Variants in HERC1 observed in about 807,000 individuals in gnomAD.
HERC1 encodes the protein HECT and RLD domain containing E3 ubiquitin protein ligase family member 1.
Under a neutral mutation model 554.3 loss-of-function variants are expected in HERC1, and 160 were observed. The ratio of observed to expected loss-of-function variants is 0.29; its 90% confidence interval spans 0.25 to 0.33. The LOEUF (loss-of-function observed/expected upper bound fraction) is 0.33. Ranked by LOEUF, HERC1 falls within the 10% of genes least tolerant of loss-of-function variation. The pLI is 1.00. For missense variants in HERC1, 4,919 were observed against 5,918.5 expected, an observed-to-expected ratio of 0.83 and a Z score of 5.54; for synonymous variants, 2,175 against 2,131.7, an observed-to-expected ratio of 1.02 and a Z score of -0.56.
Position 63,692,955 on chromosome 15 carries a change from C to A in HERC1, c.5675-389G>T, listed in dbSNP as rs1362019199. 4.6e-5 allele frequency among the ~76,000 whole-genome samples: 7 copies of A among 151,892 alleles called. No individual in the cohort carries two copies. The highest frequency in any genetic ancestry group is 8.8e-5 in the Non-Finnish European group (6 of 67,972). On this transcript the variant is annotated intron_variant, in intron 30 of 77. Coordinates refer to ENST00000443617, the MANE Select transcript of HERC1 (RefSeq NM_003922.4). This position sits in a 1 kb window ranked among gnomAD's most constrained non-coding sequence, Gnocchi z 4.7. ...CAGCACTTTGGGAGGTCGAGGCGGG[C>A]GGATCACTTGAGGTCAGGAGTTCAA...
At chr15:63,620,802 A>C (rs1324172220) in intron 74 of HERC1, among the ~76,000 whole-genome samples, 1 of 152,082 alleles carries the variant, frequency 6.6e-6, no homozygotes, top group Admixed American at 6.6e-5. Flanking sequence ...TTTATCAGAG[A>C]CTAGGATTGC....
chr15:63,611,842 G>A (rs1319353231), intron 77 of HERC1, among the ~76,000 whole-genome samples: 2 of 152,018 alleles, frequency 1.3e-5, no homozygotes, highest in Non-Finnish European at 2.9e-5. Context: ...AGCATGAATC[G>A]GCAGGCCTAC....
At chr15:63,742,023 A>G (rs978861611) in intron 12 of HERC1, among the ~76,000 whole-genome samples, 2 of 152,236 alleles carry the variant, frequency 1.3e-5, no homozygotes, top group Non-Finnish European at 2.9e-5. Flanking sequence ...TGCCAAACAA[A>G]GCCAGCAAGA....
chr15:63,758,341 C>G lies in HERC1; in HGVS notation c.1055G>C (p.Arg352Thr). The change falls in exon 4 of 78, where the codon AGA (arginine) becomes ACA (threonine). Residue 352 changes from arginine to threonine, a missense_variant. By Grantham distance (71) the Arg-to-Thr change is moderately conservative. Around this residue, in one of 11 missense-constraint regions of HERC1, gnomAD observed 744 missense variants for 1,090.0 expected, o/e 0.68. Coordinates refer to ENST00000443617, the MANE Select transcript of HERC1 (RefSeq NM_003922.4). This position sits in a 1 kb window ranked among gnomAD's most constrained non-coding sequence, Gnocchi z 4.0. ...EVCRMASDYS[R>T]TCASPDSIQT... ...AATGCTATCTGGGCTAGCACATGTT[C>G]TCGAATAATCAGAAGCCATTCTGCA... 6.3e-7 allele frequency: 1 copy of G among 1,594,256 alleles called. No individual in the cohort carries two copies. Among genetic ancestry groups the G allele is most frequent in the Non-Finnish European group, 8.6e-7 (1 of 1,164,094 alleles).
rs2152791702 is a variant in HERC1 at position 63,628,697 on chromosome 15, GGT to G, written c.13083_13084del (p.Pro4362CysfsTer18). The stretch of plus-strand genomic sequence containing the variant: ...CTCACCTGGTGCTCTTGGTGGGACA[GGT>G]GGTGCTGTCCATGCAGCACTGTGGC... On this transcript the variant is annotated frameshift_variant, in exon 70 of 78. Coordinates refer to ENST00000443617, the MANE Select transcript of HERC1 (RefSeq NM_003922.4). LOFTEE classifies it high-confidence loss of function. The G allele has an allele frequency of 6.2e-7, 1 of 1,612,664 alleles. No homozygotes were observed. Among genetic ancestry groups the G allele is most frequent in the South Asian group, 1.1e-5 (1 of 90,896 alleles).
At chr15:63,723,036 CA>C in intron 19 of HERC1, 145 bp downstream of exon 19, 1 of 496,618 alleles carries the variant, frequency 2.0e-6, no homozygotes, top group Non-Finnish European at 3.3e-6. Flanking sequence ...AAGGGAAAAA[CA>C]AATTGTTTAA....
intron 1 of HERC1, among the ~76,000 whole-genome samples, chr15:63,789,801 AAAATAAAT>A (rs10527229): frequency 0.016 from 2,239 of 139,102 alleles, 69 homozygotes; most frequent in African/African-American, 0.057. Context: ...GCCCTGTCTC[AAAATAAAT>A]AAATAAATAA....
At chr15:63,667,298 T>C (rs2070692141) in intron 40 of HERC1, among the ~76,000 whole-genome samples, 1 of 152,242 alleles carries the variant, frequency 6.6e-6, no homozygotes, top group African/African-American at 2.4e-5. Context: ...GCTAATTCAG[T>C]GTTCATAATA....
chr15:63,628,916 A>C (rs1453362571), intron 69 of HERC1, 101 bp from the exon 70 acceptor site: 4 of 1,100,610 alleles, frequency 3.6e-6, no homozygotes, highest in Non-Finnish European at 5.3e-6. Flanking sequence ...AAATAAGTTA[A>C]TAACTGTACC....
intron 12 of HERC1, among the ~76,000 whole-genome samples, chr15:63,746,525 G>A (rs2075060595): frequency 6.6e-6 from 1 of 151,970 alleles, no homozygotes; most frequent in African/African-American, 2.4e-5. Flanking sequence ...CCTTAGCTCT[G>A]GTTACAGTTC....
chr15:63,690,266 TC>T (rs1216808705), intron 32 of HERC1, among the ~76,000 whole-genome samples: 1 of 152,132 alleles, frequency 6.6e-6, no homozygotes, highest in East Asian at 1.9e-4. Flanking sequence ...ACATGTTTCT[TC>T]CTATAGCGGT....
chr15:63,807,042 G>A (rs887674532), intron 1 of HERC1, among the ~76,000 whole-genome samples: 38 of 152,104 alleles, frequency 2.5e-4, no homozygotes, highest in African/African-American at 5.6e-4. Flanking sequence ...CACCACACCC[G>A]GCCTGAGTGA....
intron 12 of HERC1, among the ~76,000 whole-genome samples, chr15:63,742,822 A>G (rs1159400245): frequency 1.3e-5 from 2 of 152,132 alleles, no homozygotes; most frequent in African/African-American, 4.8e-5. Context: ...ATGGGGTACA[A>G]TCTTTTAGGT....
chr15:63,725,296 T>C lies in HERC1; in HGVS notation c.3564A>G (p.Gln1188=), dbSNP rs748594536. 2.8e-5 allele frequency: 45 copies of C among 1,613,076 alleles called. 2 individuals carry two copies. In the South Asian group the frequency reaches 4.6e-4, roughly 17 times the overall value. ...FSDGVEMDTP[Q]LDKCMSCLLE... ...TGCTGCAGAGAAGCACATTACCCAATTGAGGAGTGTCCATTTCTACACCGT... is the reference window on the plus strand; with the variant it reads ...TGCTGCAGAGAAGCACATTACCCAACTGAGGAGTGTCCATTTCTACACCGT... Residue 1188 remains glutamine, a synonymous_variant, in exon 18 of 78, where the codon CAA becomes CAG. Transcript: ENST00000443617.
chr15:63,804,053 A>G (rs561000736), intron 1 of HERC1, among the ~76,000 whole-genome samples: 1 of 152,222 alleles, frequency 6.6e-6, no homozygotes, highest in Non-Finnish European at 1.5e-5. Context: ...TCTTTTCAAC[A>G]AAAGGTGCTG....
At position 63,707,794 on chromosome 15, in the gene HERC1, T is replaced by C. The variant is rs188084724; in HGVS notation, c.4585-963A>G. On this transcript the variant is annotated intron_variant, in intron 24 of 77. Coordinates refer to ENST00000443617, the MANE Select transcript of HERC1 (RefSeq NM_003922.4). The stretch of plus-strand genomic sequence containing the variant: ...AAATACAAAAGTTAGCTGGGTGTGG[T>C]AGCACACGCCTGTAATCCCAGCTAC... 1.2e-3 allele frequency among the ~76,000 whole-genome samples: 187 copies of C among 151,900 alleles called. 1 individual carries two copies. Among genetic ancestry groups the C allele is most frequent in the South Asian group, 5.8e-3 (28 of 4,806 alleles).
At chr15:63,750,502 T>A (rs1410828391) in intron 8 of HERC1, among the ~76,000 whole-genome samples, 1 of 152,194 alleles carries the variant, frequency 6.6e-6, no homozygotes, top group African/African-American at 2.4e-5. Context: ...AATGATTTTT[T>A]TTCTTTATCT....
Position 63,666,443 on chromosome 15 carries a change from T to C in HERC1, c.8236A>G (p.Thr2746Ala), listed in dbSNP as rs769159645. Residue 2746 changes from threonine (T) to alanine (A), a missense_variant, in exon 41 of 78, where the codon ACT becomes GCT. Thr to Ala is a moderately conservative substitution (Grantham distance 58). Coordinates refer to ENST00000443617, the MANE Select transcript of HERC1 (RefSeq NM_003922.4). ...GCAATTGCTGGAGGAGGAGGAGAAGTTGAAAGTCTACTGCTTGGGTCTGAC... is the reference window on the plus strand; with the variant it reads ...GCAATTGCTGGAGGAGGAGGAGAAGCTGAAAGTCTACTGCTTGGGTCTGAC... The part of the protein sequence containing the change: ...ALSDPSSRLS[T>A]SPPPPAIAVP... 3.1e-6 allele frequency: 5 copies of C among 1,613,298 alleles called. No homozygotes were observed. Among genetic ancestry groups the C allele is most frequent in the South Asian group, 2.2e-5 (2 of 90,996 alleles).
Position 63,658,568 on chromosome 15 carries a change from C to T in HERC1, c.9575G>A (p.Arg3192Lys), listed in dbSNP as rs769687179. The T allele has an allele frequency of 5.6e-6, 9 of 1,613,080 alleles. No homozygotes were observed. Among genetic ancestry groups the T allele is most frequent in the Non-Finnish European group, 7.6e-6 (9 of 1,179,292 alleles). Reference protein sequence around the residue: ...QVLLARTMVMRALSLLSVSGS... With the variant: ...QVLLARTMVMKALSLLSVSGS... ...CCTGACTGAGAGAAGAGACAGCGCT[C>T]TCATGACCATGGTTCTGGCCAGAAG... Residue 3192 changes from arginine (R) to lysine (K), a missense_variant, in exon 48 of 78, where the codon AGA (arginine) becomes AAA (lysine). Physicochemically the swap from Arg to Lys is conservative, Grantham distance 26. Transcript: ENST00000443617.
Sources: gnomAD v4.1 joint callset for allele counts (sites outside exome capture counted in the v4.1 genomes callset) on GRCh38, gnomAD v4.1.1 for gene constraint, gnomAD v4.1.1 regional missense constraint, Gnocchi (gnomAD v3.1) non-coding constraint, MANE v1.5 for transcripts, NCBI Gene and HGNC (gene_info 2026-07-23, HGNC 2026-07-21) for gene names.